DMXL2: variants seen among roughly 807,000 people sequenced by gnomAD.
DMXL2 encodes dmX-like protein 2.
Under a neutral mutation model 331.1 loss-of-function variants are expected in DMXL2, and 103 were observed. The observed-to-expected ratio is 0.31, with a 90% CI of 0.27 to 0.37. The LOEUF (loss-of-function observed/expected upper bound fraction) is 0.37, where lower values mean the gene tolerates loss of function less well. Ranked by LOEUF, DMXL2 falls within the 10% of genes least tolerant of loss-of-function variation. The pLI is 1.00. For missense variants in DMXL2, 3,171 were observed against 3,642.9 expected, an observed-to-expected ratio of 0.87 and a Z score of 3.33; for synonymous variants, 1,281 against 1,252.1, an observed-to-expected ratio of 1.02 and a Z score of -0.49.
At chr15:51,463,672 CTTTTAA>C (rs1253488059) in intron 32 of DMXL2, among the ~76,000 whole-genome samples, 176 bp from the exon 33 acceptor site, 1 of 152,112 alleles carries the variant, frequency 6.6e-6, no homozygotes, top group African/African-American at 2.4e-5. Context: ...GTACAGTTTA[CTTTTAA>C]TTTTTAGTTC....
chr15:51,610,640 T>C (rs7169753), intron 1 of DMXL2, among the ~76,000 whole-genome samples: 72,592 of 151,688 alleles, frequency 0.48, 17,739 homozygotes, highest in Non-Finnish European at 0.52. Flanking sequence ...TGGTGGCCGG[T>C]GCCTGTAGTC....
At chr15:51,562,125 A>T (rs1370088921) in intron 6 of DMXL2, among the ~76,000 whole-genome samples, 1 of 152,234 alleles carries the variant, frequency 6.6e-6, no homozygotes, top group Admixed American at 6.5e-5. Context: ...TTGAAATGTT[A>T]CCAACACAAA....
At chr15:51,608,574 C>A (rs1349221570) in intron 1 of DMXL2, among the ~76,000 whole-genome samples, 5 of 152,028 alleles carry the variant, frequency 3.3e-5, no homozygotes, top group African/African-American at 1.2e-4. Flanking sequence ...AAGAAGGGAA[C>A]AATAGATGCC....
rs1259746122 is a variant in DMXL2 at position 51,448,846 on chromosome 15, A to C, written c.*138T>G. Reference sequence around the variant, plus strand: ...TTCATTCCACCAACCTGTTTAGATAATACTCAGCTTGGGTCATATTCAAAT... The same window carrying C: ...TTCATTCCACCAACCTGTTTAGATACTACTCAGCTTGGGTCATATTCAAAT... On this transcript the variant is annotated 3_prime_UTR_variant, in exon 44 of 44. Transcript: ENST00000560891. The C allele has an allele frequency of 4.8e-6, 4 of 832,240 alleles. No homozygotes were observed. Among genetic ancestry groups the C allele is most frequent in the African/African-American group, 1.7e-5 (1 of 58,238 alleles). 51.6% of individuals were successfully genotyped at this position (832,240 alleles called of 1,614,324 possible). A position where few individuals can be genotyped will look rare whatever the true frequency, so the allele number is the denominator to read the frequency against.
At chr15:51,607,470 G>T (rs1346812105) in intron 1 of DMXL2, among the ~76,000 whole-genome samples, 1 of 149,154 alleles carries the variant, frequency 6.7e-6, no homozygotes, top group East Asian at 2.0e-4. Context: ...AAAGAAAAAA[G>T]AAAAAAAAAG....
At chr15:51,529,887 T>C (rs975267140) in intron 13 of DMXL2, among the ~76,000 whole-genome samples, 5 of 152,062 alleles carry the variant, frequency 3.3e-5, no homozygotes, top group Non-Finnish European at 1.5e-5. Context: ...TTCAACAATA[T>C]GATTAAAATG....
intron 1 of DMXL2, among the ~76,000 whole-genome samples, chr15:51,616,471 G>A (rs1215082944): frequency 2.0e-5 from 3 of 152,186 alleles, no homozygotes; most frequent in African/African-American, 7.2e-5. Flanking sequence ...AAGAGAGAGT[G>A]AATATAGTCA....
intron 20 of DMXL2, among the ~76,000 whole-genome samples, chr15:51,489,149 A>G (rs1295586842): frequency 6.6e-6 from 1 of 152,238 alleles, no homozygotes; most frequent in Non-Finnish European, 1.5e-5. Context: ...TATTGTATGC[A>G]ATCATACTGT....
At chr15:51,534,058 T>G (rs936846394) in intron 13 of DMXL2, among the ~76,000 whole-genome samples, 4 of 152,082 alleles carry the variant, frequency 2.6e-5, no homozygotes, top group Admixed American at 6.6e-5. Context: ...AAATACAGAA[T>G]GGAGAAGACA....
intron 13 of DMXL2, among the ~76,000 whole-genome samples, chr15:51,531,006 C>T (rs958441172): frequency 6.6e-6 from 1 of 152,150 alleles, no homozygotes; most frequent in African/African-American, 2.4e-5. Flanking sequence ...ACACCACTGA[C>T]ATTCTTTATA....
Position 51,507,150 on chromosome 15 carries a change from A to T in DMXL2, c.2748T>A (p.Ser916=). Reference sequence around the variant, plus strand: ...ATTACTTACCTAAACATGCTTGTACAGATTTAAGATGAAGGTGCCACATAT... The same window carrying T: ...ATTACTTACCTAAACATGCTTGTACTGATTTAAGATGAAGGTGCCACATAT... ...ILHMWHLHLK[S]VQACLAKASE... is the part of the protein sequence containing the mutation. The change falls in exon 16 of 44, where the codon TCT becomes TCA. Residue 916 remains serine, a synonymous_variant. Transcript: ENST00000560891. The T allele has an allele frequency of 6.2e-7, 1 of 1,606,720 alleles. No homozygotes were observed. The highest frequency in any genetic ancestry group is 8.5e-7 in the Non-Finnish European group (1 of 1,175,786).
intron 1 of DMXL2, among the ~76,000 whole-genome samples, chr15:51,594,844 G>A (rs902828735): frequency 6.6e-6 from 1 of 152,168 alleles, no homozygotes. Context: ...CGCAGAAAAG[G>A]CCTTTGACAA....
At position 51,565,173 on chromosome 15, in the gene DMXL2, T is replaced by A; in HGVS notation, c.286-7A>T. 6.4e-7 allele frequency: 1 copy of A among 1,550,600 alleles called. No individual in the cohort carries two copies. On this transcript the variant is annotated splice_polypyrimidine_tract_variant and splice_region_variant and intron_variant, in intron 3 of 43. Coordinates refer to ENST00000560891, the MANE Select transcript of DMXL2 (RefSeq NM_001378457.1). ...GCCACTGGCACTTGAGTTGCTGAAA[T>A]ACGTAGACAAAAAGAAATAAGAAAA...
In DMXL2 at chr15:51,622,474, C is replaced by T; in HGVS notation, c.72G>A (p.Gly24=). 6.4e-7 allele frequency: 1 copy of T among 1,566,282 alleles called. No individual in the cohort carries two copies. The highest frequency in any genetic ancestry group is 8.7e-7 in the Non-Finnish European group (1 of 1,154,998). The change falls in exon 1 of 44, where the codon GGG becomes GGA. Residue 24 remains glycine (G), a synonymous_variant. Coordinates refer to ENST00000560891, the MANE Select transcript of DMXL2 (RefSeq NM_001378457.1). ...GDNCYSVGSV[G]DVPFTAYGSG... ...CGCCGCTCACCGTGAAGGGGACATC[C>T]CCGACGCTGCCCACGGAGTAGCAGT...
At position 51,459,581 on chromosome 15, in the gene DMXL2, A is replaced by G; in HGVS notation, c.7989+17T>C. The G allele has an allele frequency of 7.8e-7, 1 of 1,289,730 alleles. No homozygotes were observed. Among genetic ancestry groups the G allele is most frequent in the Non-Finnish European group, 1.0e-6 (1 of 988,776 alleles). The allele number at this position is 1,289,730 out of a possible 1,614,324, so 79.9% of individuals were successfully genotyped here. On this transcript the variant is annotated intron_variant, in intron 34 of 43. Coordinates refer to ENST00000560891, the MANE Select transcript of DMXL2 (RefSeq NM_001378457.1). ...AACTTTAAAGAATGAGCTAAATACA[A>G]GATCTTGGAATACTACCTTGATGTG...
intron 1 of DMXL2, among the ~76,000 whole-genome samples, chr15:51,578,133 C>CT (rs2051168379): frequency 6.6e-6 from 1 of 152,140 alleles, no homozygotes; most frequent in Non-Finnish European, 1.5e-5. Flanking sequence ...ATCACTCTCT[C>CT]TTTATCTTTG....
chr15:51,455,537 T>A (rs2039550378), intron 39 of DMXL2, among the ~76,000 whole-genome samples: 1 of 152,184 alleles, frequency 6.6e-6, no homozygotes, highest in African/African-American at 2.4e-5. Flanking sequence ...TAGCTAGGAC[T>A]AGAGGCACAT....
At chr15:51,525,393 A>G (rs181297960) in intron 13 of DMXL2, among the ~76,000 whole-genome samples, 1 of 152,088 alleles carries the variant, frequency 6.6e-6, no homozygotes. Context: ...CAGCACATAT[A>G]TTAAAATTGG....
chr15:51,569,562 C>T (rs1387037185), intron 2 of DMXL2, among the ~76,000 whole-genome samples: 2 of 152,230 alleles, frequency 1.3e-5, no homozygotes, highest in Admixed American at 6.5e-5. Flanking sequence ...GGCCTACAGA[C>T]ACCACATACA....
Sources: gnomAD v4.1 joint callset for allele counts (sites outside exome capture counted in the v4.1 genomes callset) on GRCh38, gnomAD v4.1.1 for gene constraint, MANE v1.5 for transcripts, NCBI Gene and HGNC (gene_info 2026-07-23, HGNC 2026-07-21) for gene names.